Variants in MTUS2 observed in about 807,000 individuals in gnomAD.
MTUS2 encodes the protein microtubule associated scaffold protein 2.
A neutral mutation model predicts 114.1 loss-of-function variants in MTUS2; 40 were observed. The observed-to-expected ratio is 0.35, with a 90% confidence interval of 0.27 to 0.46. The LOEUF (loss-of-function observed/expected upper bound fraction) is 0.46. MTUS2 is among the 20% of genes least tolerant of loss of function. The pLI is 1.00. For missense variants in MTUS2, 1,679 were observed against 1,705.4 expected (o/e 0.98, Z 0.27); for synonymous variants, 688 against 672.0 (o/e 1.02, Z -0.37).
chr13:28,959,236 A>G (rs1593334204), intron 2 of MTUS2, among the ~76,000 whole-genome samples: 1 of 152,224 alleles, frequency 6.6e-6, no homozygotes, highest in African/African-American at 2.4e-5. Flanking sequence ...CCAGCTGAAC[A>G]CCACGGAAAA....
chr13:29,226,950 G>A (rs1034135536), intron 5 of MTUS2, among the ~76,000 whole-genome samples: 1 of 151,992 alleles, frequency 6.6e-6, no homozygotes, highest in Admixed American at 6.6e-5. Flanking sequence ...CTTCTTACAT[G>A]TGTCCTGGAC....
intron 2 of MTUS2, among the ~76,000 whole-genome samples, chr13:28,935,019 T>G (rs1447880689): frequency 1.4e-5 from 2 of 146,190 alleles, no homozygotes; most frequent in South Asian, 2.3e-4. Flanking sequence ...TTTTTTTTTT[T>G]TTTTTTTTTT....
chr13:29,041,782 A>G (rs1887372974), intron 4 of MTUS2, among the ~76,000 whole-genome samples: 1 of 152,170 alleles, frequency 6.6e-6, no homozygotes. Context: ...CTGTTGGTGT[A>G]TAGCAGTGCT....
chr13:28,923,091 T>C (rs1030974455), intron 2 of MTUS2, among the ~76,000 whole-genome samples: 1 of 152,244 alleles, frequency 6.6e-6, no homozygotes, highest in Admixed American at 6.5e-5. Context: ...CTAAAGTTTA[T>C]GTATTCTCTC....
At chr13:29,331,548 C>T (rs754465979) in intron 7 of MTUS2, among the ~76,000 whole-genome samples, 1 of 152,296 alleles carries the variant, frequency 6.6e-6, no homozygotes, top group Non-Finnish European at 1.5e-5. Context: ...ATCACACTAC[C>T]TGACTTCAAA....
intron 9 of MTUS2, among the ~76,000 whole-genome samples, chr13:29,452,006 T>TA (rs1201937524): frequency 6.6e-6 from 1 of 152,162 alleles, no homozygotes; most frequent in Admixed American, 6.5e-5. Context: ...TATAGGAAAA[T>TA]AATATCAGTT....
intron 2 of MTUS2, among the ~76,000 whole-genome samples, chr13:28,956,945 T>G (rs1883099808): frequency 2.6e-5 from 3 of 114,736 alleles, no homozygotes; most frequent in African/African-American, 3.5e-5. Flanking sequence ...GAAGGAAGTG[T>G]TGGGGGACAG....
intron 2 of MTUS2, among the ~76,000 whole-genome samples, chr13:28,883,567 A>T (rs1353953975): frequency 6.6e-6 from 1 of 152,196 alleles, no homozygotes; most frequent in Non-Finnish European, 1.5e-5. Context: ...ATACTATATG[A>T]TTCTGTTAAC....
chr13:28,986,252 A>C (rs950010852), intron 2 of MTUS2, among the ~76,000 whole-genome samples: 5 of 152,124 alleles, frequency 3.3e-5, no homozygotes, highest in African/African-American at 9.7e-5. Flanking sequence ...ATGGAGATCC[A>C]TATGGAGGTG....
At chr13:29,163,970 T>C (rs1047930231) in intron 5 of MTUS2, among the ~76,000 whole-genome samples, 1 of 152,162 alleles carries the variant, frequency 6.6e-6, no homozygotes, top group Non-Finnish European at 1.5e-5. Context: ...GCCCTTTTGC[T>C]AAACGTCGCT....
rs368816423 is a variant in MTUS2, at chr13:29,092,665, C to T, written c.2447-8108C>T. ...CTGGTGCACAAGCCAGGCATGGCCC[C>T]GCCAGACGAGTGGATGGGGCACCTT... On this transcript the variant is annotated intron_variant, in intron 4 of 15. Transcript: ENST00000612955. Among the ~76,000 whole-genome samples the T allele has an allele frequency of 4.5e-4, 68 of 152,200 alleles. No individual in the cohort carries two copies. In the South Asian group the frequency reaches 0.011, roughly 25 times the overall value.
intron 4 of MTUS2, among the ~76,000 whole-genome samples, chr13:29,045,666 G>T (rs367571820): frequency 4.9e-4 from 74 of 152,286 alleles, no homozygotes; most frequent in African/African-American, 1.2e-3. Context: ...GGACAGTTTT[G>T]CTTTTTCCAA....
chr13:29,309,689 T>G (rs932973154), intron 6 of MTUS2, among the ~76,000 whole-genome samples: 2 of 152,222 alleles, frequency 1.3e-5, no homozygotes, highest in African/African-American at 4.8e-5. Context: ...CATAGTAGGT[T>G]CTAAATAAAT....
chr13:29,171,156 G>GTGTGTA (rs1555246815), intron 5 of MTUS2, among the ~76,000 whole-genome samples: 11 of 151,896 alleles, frequency 7.2e-5, no homozygotes, highest in African/African-American at 2.4e-4. Flanking sequence ...GTGTGTGTGT[G>GTGTGTA]TGTATGTGTG....
intron 2 of MTUS2, among the ~76,000 whole-genome samples, chr13:28,845,046 C>T (rs988218915): frequency 6.6e-6 from 1 of 152,166 alleles, no homozygotes; most frequent in Admixed American, 6.5e-5. Flanking sequence ...ACCTTGAACT[C>T]CTGAGCTCAA....
chr13:29,140,068 C>T (rs893647620), intron 5 of MTUS2, among the ~76,000 whole-genome samples: 3 of 152,112 alleles, frequency 2.0e-5, no homozygotes, highest in African/African-American at 7.2e-5. Context: ...TGAGAAACTG[C>T]GCTGAGGGCT....
rs959078575 is a variant in MTUS2, at chr13:29,504,597, C to G, written c.*1391C>G. The G allele has an allele frequency of 4.3e-6, 1 of 232,960 alleles. No individual in the cohort carries two copies. Among genetic ancestry groups the G allele is most frequent in the African/African-American group, 2.2e-5 (1 of 45,334 alleles). The allele number at this position is 232,960 out of a possible 1,614,324, so 14.4% of individuals were successfully genotyped here. On this transcript the variant is annotated 3_prime_UTR_variant, in exon 16 of 16. Transcript: ENST00000612955. ...CAGCCAGGGGGCACCAGCTCCTGGA[C>G]TGGCATCTGTCTCTAAAATGGTAGA...
Position 29,307,275 on chromosome 13 carries a change from C to T in MTUS2, c.2807-17338C>T, listed in dbSNP as rs1593284971. On this transcript the variant is annotated intron_variant, in intron 6 of 15. Transcript: ENST00000612955. ...CACCCCTGGCCAAAGTCATCCGTGA[C>T]AACTTTGGTATCATGGAAGGACTCA... 6.1e-6 allele frequency: 4 copies of T among 654,326 alleles called. No homozygotes were observed. In the East Asian group the frequency reaches 1.1e-4, roughly 18 times the overall value. The allele number at this position is 654,326 out of a possible 1,614,324, so 40.5% of individuals were successfully genotyped here. A position where few individuals can be genotyped will look rare whatever the true frequency, so the allele number is the denominator to read the frequency against.
intron 5 of MTUS2, among the ~76,000 whole-genome samples, chr13:29,149,444 A>T (rs1219928520): frequency 6.6e-6 from 1 of 152,084 alleles, no homozygotes; most frequent in Non-Finnish European, 1.5e-5. Context: ...AGATGGATAG[A>T]TTACACATTT....
Sources: allele counts gnomAD v4.1 joint callset (sites outside exome capture counted in the v4.1 genomes callset), GRCh38; gene constraint gnomAD v4.1.1; transcripts MANE v1.5; gene names NCBI Gene and HGNC (gene_info 2026-07-23, HGNC 2026-07-21).